The following DLG2 variants were observed in gnomAD, a reference collection of about 807,000 sequenced individuals.
The protein encoded by DLG2 is disks large homolog 2.
A neutral mutation model predicts 132.5 loss-of-function variants in DLG2; 45 were observed. That is an observed-to-expected ratio of 0.34 (90% CI 0.27 to 0.44). The LOEUF is 0.44. DLG2 is among the 20% of genes least tolerant of loss of function. The pLI, the probability that DLG2 is intolerant of heterozygous loss-of-function variation, is 1.00. For synonymous variants in DLG2, 424 were observed against 419.6 expected, an observed-to-expected ratio of 1.01 and a Z score of -0.13; for missense variants, 1,045 against 1,196.9, an observed-to-expected ratio of 0.87 and a Z score of 1.87.
intron 6 of DLG2, among the ~76,000 whole-genome samples, chr11:84,741,358 A>G (rs543319596): frequency 6.6e-6 from 1 of 152,158 alleles, no homozygotes; most frequent in South Asian, 2.1e-4. Context: ...CCGGCCGCCT[A>G]TGCTCTTAAT....
In DLG2 at chr11:85,354,922, T is replaced by TA. The variant is rs1027861401; in HGVS notation, c.41-69558dup. Reference sequence around the variant, plus strand: ...ACTCTTGTCTCTTCGTTTCATAAATTAAAAAAAAAACAGATAACATTTCTT... The same window carrying TA: ...ACTCTTGTCTCTTCGTTTCATAAATTAAAAAAAAAAACAGATAACATTTCTT... On this transcript the variant is annotated intron_variant, in intron 3 of 27. Transcript: ENST00000376104. Among the ~76,000 whole-genome samples the TA allele has an allele frequency of 2.5e-4, 37 of 148,954 alleles. 1 individual carries two copies. The highest frequency in any genetic ancestry group is 6.7e-4 in the Admixed American group (10 of 14,866).
chr11:84,889,487 A>G (rs969515740), intron 6 of DLG2, among the ~76,000 whole-genome samples: 5 of 152,112 alleles, frequency 3.3e-5, no homozygotes, highest in Non-Finnish European at 7.4e-5. Context: ...TATTCCTACA[A>G]ACAACCATTA....
At chr11:85,247,015 A>G (rs569251862) in intron 4 of DLG2, among the ~76,000 whole-genome samples, 1 of 152,210 alleles carries the variant, frequency 6.6e-6, no homozygotes, top group South Asian at 2.1e-4. Context: ...AACATGTGTC[A>G]GTCACTAAAT....
intron 16 of DLG2, among the ~76,000 whole-genome samples, chr11:83,873,237 GA>G (rs529956489): frequency 2.0e-5 from 3 of 150,780 alleles, no homozygotes; most frequent in Admixed American, 6.6e-5. Flanking sequence ...TCAGTGTTCA[GA>G]AAAAAAAATA....
intron 18 of DLG2, among the ~76,000 whole-genome samples, chr11:83,735,852 C>T (rs543835927): frequency 6.6e-6 from 1 of 152,226 alleles, no homozygotes; most frequent in African/African-American, 2.4e-5. Flanking sequence ...AAGACAGGTC[C>T]AGGGAAATGA....
chr11:85,160,179 C>T (rs2077918196), intron 4 of DLG2, among the ~76,000 whole-genome samples: 1 of 152,190 alleles, frequency 6.6e-6, no homozygotes, highest in African/African-American at 2.4e-5. Context: ...ACACATTCCT[C>T]ATTTAGGTGC....
At chr11:85,273,676 C>T (rs558491996) in intron 4 of DLG2, among the ~76,000 whole-genome samples, 16 of 152,300 alleles carry the variant, frequency 1.1e-4, no homozygotes, top group African/African-American at 3.8e-4. Flanking sequence ...ACTAGTTCAA[C>T]CATTGTGGAA....
At chr11:83,799,443 A>G (rs2043755490) in intron 17 of DLG2, among the ~76,000 whole-genome samples, 1 of 152,230 alleles carries the variant, frequency 6.6e-6, no homozygotes, top group Non-Finnish European at 1.5e-5. Flanking sequence ...CGGATGTGAT[A>G]CTATTGAAGT....
intron 6 of DLG2, among the ~76,000 whole-genome samples, chr11:84,962,704 A>G (rs965647957): frequency 6.6e-6 from 1 of 152,196 alleles, no homozygotes; most frequent in African/African-American, 2.4e-5. Context: ...TCCTTTACAA[A>G]AATATCTTAG....
intron 6 of DLG2, among the ~76,000 whole-genome samples, chr11:84,657,886 C>T (rs527860713): frequency 2.0e-5 from 3 of 152,300 alleles, no homozygotes; most frequent in East Asian, 1.9e-4. Context: ...CTCCAATAAA[C>T]GGTCATTCCT....
chr11:85,285,451 C>T (rs2078495304), intron 3 of DLG2, 86 bp from the exon 4 acceptor site: 3 of 1,295,370 alleles, frequency 2.3e-6, no homozygotes, highest in East Asian at 2.4e-5. Context: ...TATAGACATA[C>T]AGAAATTTTG....
chr11:85,052,397 T>C (rs2062989068), intron 6 of DLG2, among the ~76,000 whole-genome samples: 1 of 152,172 alleles, frequency 6.6e-6, no homozygotes, highest in African/African-American at 2.4e-5. Context: ...AAAATTTAAA[T>C]ATTAACTGAC....
chr11:85,125,063 C>G (rs1319035034), intron 5 of DLG2, among the ~76,000 whole-genome samples: 1 of 152,168 alleles, frequency 6.6e-6, no homozygotes, highest in Non-Finnish European at 1.5e-5. Context: ...ATCTCCTGAC[C>G]TCATGATCTG....
At chr11:84,230,209 T>A (rs1285846852) in intron 8 of DLG2, among the ~76,000 whole-genome samples, 1 of 152,188 alleles carries the variant, frequency 6.6e-6, no homozygotes, top group African/African-American at 2.4e-5. Flanking sequence ...AAGAACTAAA[T>A]ATGTTTACAA....
intron 3 of DLG2, among the ~76,000 whole-genome samples, chr11:85,527,276 C>G (rs1237114390): frequency 2.6e-5 from 4 of 151,522 alleles, no homozygotes; most frequent in African/African-American, 9.7e-5. Flanking sequence ...TTTGCTGCAC[C>G]TATCGACCCA....
chr11:84,540,983 T>A (rs938789880), intron 6 of DLG2, among the ~76,000 whole-genome samples: 6 of 151,896 alleles, frequency 4.0e-5, no homozygotes, highest in African/African-American at 2.4e-5. Flanking sequence ...TAGGTGGGAA[T>A]TGAACAATGA....
At chr11:84,743,055 T>C (rs570634764) in intron 6 of DLG2, among the ~76,000 whole-genome samples, 1 of 152,342 alleles carries the variant, frequency 6.6e-6, no homozygotes, top group African/African-American at 2.4e-5. Flanking sequence ...ATTTATTCAC[T>C]TTTTAAACGT....
intron 6 of DLG2, among the ~76,000 whole-genome samples, chr11:85,007,844 T>C (rs544216829): frequency 9.2e-5 from 14 of 152,196 alleles, no homozygotes; most frequent in African/African-American, 3.4e-4. Flanking sequence ...TCACTGATCT[T>C]AATCTCCTAA....
intron 3 of DLG2, among the ~76,000 whole-genome samples, chr11:85,315,624 A>T (rs1446943033): frequency 6.6e-6 from 1 of 152,026 alleles, no homozygotes; most frequent in African/African-American, 2.4e-5. Context: ...GACACACCAA[A>T]GATGTTGGTA....
Sources: allele counts gnomAD v4.1 joint callset (sites outside exome capture counted in the v4.1 genomes callset), GRCh38; gene constraint gnomAD v4.1.1; transcripts MANE v1.5; gene names NCBI Gene and HGNC (gene_info 2026-07-23, HGNC 2026-07-21).